Variants in NRG3 observed in about 807,000 individuals in gnomAD.
NRG3 encodes the protein neuregulin 3.
A neutral mutation model predicts 66.9 loss-of-function variants in NRG3; 31 were observed. That is an observed-to-expected ratio of 0.46 (90% CI 0.35 to 0.63). NRG3 has a LOEUF of 0.63. Among genes scored for constraint, NRG3 ranks in the 20% least tolerant of loss-of-function variants. The pLI is 0.00. For synonymous variants in NRG3, 393 were observed against 359.4 expected (o/e 1.09, Z -1.06); for missense variants, 910 against 878.9 (o/e 1.04, Z -0.45).
At chr10:81,923,933 G>A (rs1846513991) in intron 1 of NRG3, among the ~76,000 whole-genome samples, 1 of 152,152 alleles carries the variant, frequency 6.6e-6, no homozygotes, top group Non-Finnish European at 1.5e-5. Flanking sequence ...AACAGGCTGC[G>A]TATGTGCCTT....
intron 1 of NRG3, among the ~76,000 whole-genome samples, chr10:82,064,742 AGCCTCCACCT>A (rs1173276401): frequency 6.6e-6 from 1 of 152,186 alleles, no homozygotes; most frequent in East Asian, 1.9e-4. Context: ...GGTGACCCAC[AGCCTCCACCT>A]GGAGTTTAGA....
intron 4 of NRG3, among the ~76,000 whole-genome samples, chr10:82,907,453 T>C (rs1336973587): frequency 6.6e-6 from 1 of 152,306 alleles, no homozygotes; most frequent in African/African-American, 2.4e-5. Flanking sequence ...GTTCACATCT[T>C]GACAAATTTT....
chr10:81,969,434 T>G (rs1366403014), intron 1 of NRG3, among the ~76,000 whole-genome samples: 1 of 152,218 alleles, frequency 6.6e-6, no homozygotes, highest in Non-Finnish European at 1.5e-5. Flanking sequence ...CACATCTGGC[T>G]TTCTTACTGG....
chr10:82,425,915 G>T (rs574852720), intron 2 of NRG3, among the ~76,000 whole-genome samples: 1 of 152,138 alleles, frequency 6.6e-6, no homozygotes, highest in African/African-American at 2.4e-5. Flanking sequence ...ATAAGCTGCC[G>T]TGAGAGGGGA....
intron 1 of NRG3, among the ~76,000 whole-genome samples, chr10:82,201,766 A>T (rs915745107): frequency 1.3e-5 from 2 of 152,124 alleles, no homozygotes; most frequent in Non-Finnish European, 2.9e-5. Flanking sequence ...CCTTTCAGCA[A>T]TTTTTTCTGT....
chr10:82,863,691 C>G (rs150032399), intron 3 of NRG3, among the ~76,000 whole-genome samples: 45 of 152,182 alleles, frequency 3.0e-4, no homozygotes, highest in African/African-American at 9.9e-4. Flanking sequence ...TTTGCCCACT[C>G]TTTGATGGGG....
intron 4 of NRG3, among the ~76,000 whole-genome samples, chr10:82,929,919 A>G (rs1448471731): frequency 6.6e-6 from 1 of 151,994 alleles, no homozygotes; most frequent in Non-Finnish European, 1.5e-5. Flanking sequence ...AATCTTTATA[A>G]TATACAACAC....
intron 1 of NRG3, among the ~76,000 whole-genome samples, chr10:82,195,316 G>A (rs531491175): frequency 8.5e-5 from 13 of 152,138 alleles, no homozygotes; most frequent in Admixed American, 1.3e-4. Flanking sequence ...ACTTCACTTT[G>A]GTCAAAGAGT....
intron 2 of NRG3, among the ~76,000 whole-genome samples, chr10:82,430,474 G>T (rs2089732161): frequency 6.6e-6 from 1 of 152,052 alleles, no homozygotes; most frequent in Admixed American, 6.6e-5. Context: ...AGCCAGGATG[G>T]TCTCGATCTC....
chr10:82,824,873 T>C (rs528591585), intron 3 of NRG3, among the ~76,000 whole-genome samples: 245 of 152,070 alleles, frequency 1.6e-3, no homozygotes, highest in African/African-American at 5.7e-3. Flanking sequence ...TGCACGACCA[T>C]GCCCAGCTAA....
At chr10:81,949,447 G>C (rs1283992683) in intron 1 of NRG3, among the ~76,000 whole-genome samples, 1 of 151,952 alleles carries the variant, frequency 6.6e-6, no homozygotes, top group African/African-American at 2.4e-5. Flanking sequence ...CTGCTTAAGG[G>C]CATAGCCACC....
chr10:81,951,747 G>A (rs893853788), intron 1 of NRG3, among the ~76,000 whole-genome samples: 4 of 152,144 alleles, frequency 2.6e-5, no homozygotes, highest in African/African-American at 9.7e-5. Flanking sequence ...TTTAAGTCAT[G>A]CCAGGTCAGC....
At chr10:82,554,978 C>T (rs534196768) in intron 2 of NRG3, among the ~76,000 whole-genome samples, 3 of 152,256 alleles carry the variant, frequency 2.0e-5, no homozygotes, top group African/African-American at 7.2e-5. Flanking sequence ...GTGGCCCAGC[C>T]TCTGAAATGT....
chr10:82,285,080 A>G (rs896810180), intron 1 of NRG3, among the ~76,000 whole-genome samples: 2 of 152,186 alleles, frequency 1.3e-5, no homozygotes, highest in African/African-American at 4.8e-5. Flanking sequence ...TCTGTTCAGA[A>G]AAGGAGTTAG....
At chr10:81,901,234 A>G (rs1479579833) in intron 1 of NRG3, among the ~76,000 whole-genome samples, 1 of 152,216 alleles carries the variant, frequency 6.6e-6, no homozygotes, top group Non-Finnish European at 1.5e-5. Context: ...TGTGTCCAGC[A>G]CTGTCATCTC....
intron 1 of NRG3, among the ~76,000 whole-genome samples, chr10:82,253,850 A>T (rs1448104211): frequency 6.6e-6 from 1 of 152,164 alleles, no homozygotes; most frequent in African/African-American, 2.4e-5. Flanking sequence ...ACAATAATCC[A>T]CCCCTTTACA....
intron 1 of NRG3, among the ~76,000 whole-genome samples, chr10:81,918,027 G>A (rs892373266): frequency 3.3e-5 from 5 of 152,180 alleles, no homozygotes; most frequent in African/African-American, 4.8e-5. Flanking sequence ...TTTGTCATCC[G>A]AATCCATATG....
At chr10:81,902,288 G>T (rs1266124045) in intron 1 of NRG3, among the ~76,000 whole-genome samples, 1 of 151,898 alleles carries the variant, frequency 6.6e-6, no homozygotes, top group African/African-American at 2.4e-5. Flanking sequence ...TGGGAAAAGT[G>T]GTTGCAGATA....
intron 1 of NRG3, among the ~76,000 whole-genome samples, chr10:82,032,668 C>T (rs1454587385): frequency 6.6e-6 from 1 of 151,986 alleles, no homozygotes; most frequent in Admixed American, 6.6e-5. Flanking sequence ...TTATAGTTCT[C>T]ATTTTATAAG....
Sources: gnomAD v4.1 joint callset for allele counts (sites outside exome capture counted in the v4.1 genomes callset) on GRCh38, gnomAD v4.1.1 for gene constraint, MANE v1.5 for transcripts, NCBI Gene and HGNC (gene_info 2026-07-23, HGNC 2026-07-21) for gene names.